DYNC2H1: variants seen among roughly 807,000 people sequenced by gnomAD.
DYNC2H1 encodes the protein cytoplasmic dynein 2 heavy chain 1.
A neutral mutation model predicts 570.0 loss-of-function variants in DYNC2H1; 410 were observed. That is an observed-to-expected ratio of 0.72 (90% confidence interval 0.66 to 0.78). The LOEUF (loss-of-function observed/expected upper bound fraction) is 0.78. Ranked by LOEUF, DYNC2H1 falls within the 30% of genes least tolerant of loss-of-function variation. The pLI is 0.00. For missense variants in DYNC2H1, 4,865 were observed against 5,046.4 expected (o/e 0.96, Z 1.09); for synonymous variants, 1,688 against 1,677.6 (o/e 1.01, Z -0.15).
In DYNC2H1 at chr11:103,243,035, G is replaced by A. The variant is rs961780077; in HGVS notation, c.9820-658G>A. 1.3e-5 allele frequency among the ~76,000 whole-genome samples: 2 copies of A among 151,936 alleles called. No individual in the cohort carries two copies. Among genetic ancestry groups the A allele is most frequent in the African/African-American group, 4.8e-5 (2 of 41,358 alleles). ...TTTTAGAATTTAATTAGTGCAGGAT[G>A]TTCTATAATGAATTTAGTTTTTAGT... On this transcript the variant is annotated intron_variant, in intron 63 of 88. Coordinates refer to ENST00000375735, the MANE Select transcript of DYNC2H1 (RefSeq NM_001377.3). This position sits in a 1 kb window ranked among gnomAD's most constrained non-coding sequence, Gnocchi z 4.8.
chr11:103,134,333 A>G lies in DYNC2H1; in HGVS notation c.2119A>G (p.Met707Val). ...TAATTTTTCATAGGTGGTTGTTCTT[A>G]TGAATATTGATCTGCTTCGGCAGCA... The part of the protein sequence containing the change: ...TTFCEKVVVL[M>V]NIDLLRQQQR... Residue 707 changes from methionine (M) to valine (V), a missense_variant, in exon 15 of 89, where the codon ATG becomes GTG. Around this residue, in one of 5 missense-constraint regions of DYNC2H1, gnomAD observed 1,936 missense variants for 1,962.1 expected, o/e 0.99. Transcript: ENST00000375735. 1 of 1,613,026 alleles carries G rather than the reference A, an allele frequency of 6.2e-7. No homozygotes were observed. The highest frequency in any genetic ancestry group is 8.5e-7 in the Non-Finnish European group (1 of 1,179,246).
intron 40 of DYNC2H1, among the ~76,000 whole-genome samples, chr11:103,183,551 A>C (rs1481494922): frequency 6.6e-6 from 1 of 151,922 alleles, no homozygotes; most frequent in African/African-American, 2.4e-5. Flanking sequence ...CACCATGCAC[A>C]GGTTCTGAGG....
In DYNC2H1 at chr11:103,184,960, G is replaced by T. The variant is rs573054457; in HGVS notation, c.6542G>T (p.Gly2181Val). The T allele has an allele frequency of 1.2e-6, 2 of 1,611,228 alleles. No homozygotes were observed. The highest frequency in any genetic ancestry group is 2.2e-5 in the South Asian group (2 of 90,974). Residue 2181 changes from glycine (G) to valine (V), a missense_variant, in exon 41 of 89, where the codon GGT becomes GTT. Physicochemically the swap from Gly to Val is moderately radical, Grantham distance 109. Coordinates refer to ENST00000375735, the MANE Select transcript of DYNC2H1 (RefSeq NM_001377.3). ...TVMNGLSHLH[G>V]CRDHDEFIIN... Reference sequence around the variant, plus strand: ...ATGAATGGTTTGTCACATCTACATGGTTGCAGAGATCATGACGAATTCATT... The same window carrying T: ...ATGAATGGTTTGTCACATCTACATGTTTGCAGAGATCATGACGAATTCATT...
At chr11:103,286,461 A>G (rs1030847569) in intron 74 of DYNC2H1, 75 bp downstream of exon 74, 1 of 1,541,676 alleles carries the variant, frequency 6.5e-7, no homozygotes, top group South Asian at 1.2e-5. Flanking sequence ...TTTAAAGGAA[A>G]GCTTTGCTTT....
chr11:103,154,356 C>A, intron 22 of DYNC2H1, 95 bp from the exon 23 acceptor site: 2 of 1,063,068 alleles, frequency 1.9e-6, no homozygotes, highest in East Asian at 2.8e-5. Context: ...TGTGTGTACA[C>A]ACATACAAGG....
intron 82 of DYNC2H1, among the ~76,000 whole-genome samples, chr11:103,345,253 TC>T (rs1218981363): frequency 6.6e-6 from 1 of 151,350 alleles, no homozygotes; most frequent in East Asian, 1.9e-4. Flanking sequence ...GTATCCATTC[TC>T]CTATTGATGG....
intron 18 of DYNC2H1, among the ~76,000 whole-genome samples, chr11:103,147,099 A>G (rs1860277600): frequency 6.6e-6 from 1 of 152,172 alleles, no homozygotes; most frequent in Non-Finnish European, 1.5e-5. Context: ...CCTGCCTTGA[A>G]ATTTGTCTTA....
At chr11:103,281,538 T>G (rs963272350) in intron 71 of DYNC2H1, among the ~76,000 whole-genome samples, 3 of 151,856 alleles carry the variant, frequency 2.0e-5, no homozygotes, top group Non-Finnish European at 4.4e-5. Context: ...ATATGTTGCT[T>G]TGGTAGTTTT....
At chr11:103,260,644 G>A (rs143357822) in intron 70 of DYNC2H1, among the ~76,000 whole-genome samples, 1,718 of 144,566 alleles carry the variant, frequency 0.012, 37 homozygotes, top group African/African-American at 0.041. Context: ...TTTGGAGACA[G>A]AGTCTCTCTC....
Position 103,395,371 on chromosome 11 carries a change from A to G in DYNC2H1, c.12157-4292A>G, listed in dbSNP as rs956131551. On this transcript the variant is annotated intron_variant, in intron 83 of 88. Coordinates refer to ENST00000375735, the MANE Select transcript of DYNC2H1 (RefSeq NM_001377.3). This position sits in a 1 kb window ranked among gnomAD's most constrained non-coding sequence, Gnocchi z 4.3. ...TTATGTATTATGTATATCCTCATAT[A>G]TAATATATATTCTGAAAGATCTGAT... Among the ~76,000 whole-genome samples, 2 of 151,712 alleles carry G rather than the reference A, an allele frequency of 1.3e-5. No individual in the cohort carries two copies. The highest frequency in any genetic ancestry group is 4.8e-5 in the African/African-American group (2 of 41,332).
chr11:103,188,383 TTAGA>T (rs1297211396), intron 43 of DYNC2H1, 110 bp from the exon 44 acceptor site: 4 of 710,792 alleles, frequency 5.6e-6, no homozygotes, highest in Non-Finnish European at 8.8e-6. Flanking sequence ...AATTCTTGAG[TTAGA>T]TAGATGATGA....
At chr11:103,470,417 ACT>A (rs200282913) in intron 88 of DYNC2H1, among the ~76,000 whole-genome samples, 1 of 147,490 alleles carries the variant, frequency 6.8e-6, no homozygotes, top group Non-Finnish European at 1.5e-5. Flanking sequence ...TGAACTTTTT[ACT>A]CTTTTTCTTT....
intron 22 of DYNC2H1, among the ~76,000 whole-genome samples, chr11:103,154,209 A>G (rs1001323998): frequency 6.6e-6 from 1 of 151,936 alleles, no homozygotes; most frequent in African/African-American, 2.4e-5. Context: ...TTTGGAAAAA[A>G]TGTATATTAA....
At chr11:103,307,674 T>TTTATA (rs1565482338) in intron 77 of DYNC2H1, 47 bp from the exon 78 acceptor site, 1 of 1,033,790 alleles carries the variant, frequency 9.7e-7, no homozygotes, top group Non-Finnish European at 1.4e-6. Context: ...AAAGAGAAAC[T>TTTATA]TTCATATATA....
At chr11:103,304,809 TTATG>T in intron 77 of DYNC2H1, 89 bp downstream of exon 77, 6 of 1,249,234 alleles carry the variant, frequency 4.8e-6, no homozygotes, top group Non-Finnish European at 5.3e-6. Context: ...CATGCATTAT[TTATG>T]ATGATTTAAA....
At chr11:103,222,246 G>T in intron 58 of DYNC2H1, 93 bp downstream of exon 58, 1 of 874,566 alleles carries the variant, frequency 1.1e-6, no homozygotes. Context: ...CAACTGTTTA[G>T]ATCACCTAAA....
At chr11:103,441,192 G>A (rs933430645) in intron 85 of DYNC2H1, among the ~76,000 whole-genome samples, 1 of 151,926 alleles carries the variant, frequency 6.6e-6, no homozygotes, top group African/African-American at 2.4e-5. Context: ...AACAAACCCA[G>A]CTCGCTCCCT....
Position 103,472,105 on chromosome 11 carries a change from A to G in DYNC2H1, c.12765+3400A>G, listed in dbSNP as rs1425305568. On this transcript the variant is annotated intron_variant, in intron 88 of 88. Transcript: ENST00000375735. This position sits in a 1 kb window ranked among gnomAD's most constrained non-coding sequence, Gnocchi z 4.1. ...GGAACAGCAAGTATTGTACATCTGG[A>G]GGGTATAGTTCATATGGAAGAATGG... is the stretch of plus-strand genomic sequence containing the variant. Among the ~76,000 whole-genome samples the G allele has an allele frequency of 1.3e-5, 2 of 152,196 alleles. No individual in the cohort carries two copies. Among genetic ancestry groups the G allele is most frequent in the African/African-American group, 4.8e-5 (2 of 41,460 alleles).
chr11:103,229,540 T>G (rs1319144078), intron 59 of DYNC2H1, among the ~76,000 whole-genome samples: 1 of 152,198 alleles, frequency 6.6e-6, no homozygotes, highest in Non-Finnish European at 1.5e-5. Flanking sequence ...ATTTTTCTGT[T>G]TACGTATCAC....
Sources: gnomAD v4.1 joint callset for allele counts (sites outside exome capture counted in the v4.1 genomes callset) on GRCh38, gnomAD v4.1.1 for gene constraint, gnomAD v4.1.1 regional missense constraint, Gnocchi (gnomAD v3.1) non-coding constraint, MANE v1.5 for transcripts, NCBI Gene and HGNC (gene_info 2026-07-23, HGNC 2026-07-21) for gene names.